Variants in SIGLEC11 observed in about 807,000 individuals in gnomAD.
The protein encoded by SIGLEC11 is sialic acid binding Ig like lectin 11.
SIGLEC11 carries 47 observed loss-of-function variants against 61.2 expected under a neutral mutation model. That is an observed-to-expected ratio of 0.77 (90% confidence interval 0.61 to 0.98). The LOEUF is 0.98. SIGLEC11 is among the 50% of genes least tolerant of loss of function. The probability of loss-of-function intolerance (pLI) is 0.00; values close to 1 mark genes in which losing one functional copy is unlikely to be tolerated. For missense variants in SIGLEC11, 610 were observed against 870.3 expected (o/e 0.70, Z 3.76); for synonymous variants, 278 against 373.1 (o/e 0.75, Z 2.94).
In SIGLEC11 at chr19:49,951,933, T is replaced by G. The variant is rs756161499; in HGVS notation, c.1788A>C (p.Ala596=). The G allele has an allele frequency of 6.2e-7, 1 of 1,611,354 alleles. No homozygotes were observed. Among genetic ancestry groups the G allele is most frequent in the South Asian group, 1.1e-5 (1 of 90,750 alleles). ...ICRKEARKRA[A]AEQDVPSTLG... ...GGGTGGAGGGCACGTCCTGCTCAGC[T>G]GCTGCCCTCTTGCGAGCTTCCTTCC... The change falls in exon 10 of 11, where the codon GCA becomes GCC. Residue 596 remains alanine, a synonymous_variant. Coordinates refer to ENST00000447370, the MANE Select transcript of SIGLEC11 (RefSeq NM_052884.3). The surrounding 1 kb of genome is among the most constrained non-coding windows in gnomAD (Gnocchi z 4.6).
chr19:49,949,927 A>T lies in SIGLEC11; in HGVS notation c.*43T>A, dbSNP rs773624335. The T allele has an allele frequency of 5.1e-6, 7 of 1,382,832 alleles. No homozygotes were observed. In the Admixed American group the frequency reaches 1.9e-4, roughly 38 times the overall value. The allele number at this position is 1,382,832 out of a possible 1,614,324, so 85.7% of individuals were successfully genotyped here. ...CAGTTCTGGCCGTCACACCAGTGCGACTCCCACACACTTGCTGGTGTCCTG... is the reference window on the plus strand; with the variant it reads ...CAGTTCTGGCCGTCACACCAGTGCGTCTCCCACACACTTGCTGGTGTCCTG... On this transcript the variant is annotated 3_prime_UTR_variant, in exon 11 of 11. Transcript: ENST00000447370.
rs1234191395 is a variant in SIGLEC11 at position 49,958,814 on chromosome 19, G to A, written c.1192C>T (p.Pro398Ser). The change falls in exon 7 of 11, where the codon CCA (proline) becomes TCA (serine). Residue 398 changes from proline to serine, a missense_variant. Physicochemically the swap from Pro to Ser is moderately conservative, Grantham distance 74. Around this residue, in one of 6 missense-constraint regions of SIGLEC11, gnomAD observed 432 missense variants for 441.5 expected, o/e 0.98. Coordinates refer to ENST00000447370, the MANE Select transcript of SIGLEC11 (RefSeq NM_052884.3). ...RLVCVTHSSP[P>S]ARLSWTRWGQ... Reference sequence around the variant, plus strand: ...CACCGGGTCCAGCTCAGCCTGGCTGGGGGGCTGCTGTGGGTGACACAGACC... The same window carrying A: ...CACCGGGTCCAGCTCAGCCTGGCTGAGGGGCTGCTGTGGGTGACACAGACC... 2 of 1,612,898 alleles carry A rather than the reference G, an allele frequency of 1.2e-6. No individual in the cohort carries two copies. Among genetic ancestry groups the A allele is most frequent in the Non-Finnish European group, 1.7e-6 (2 of 1,179,356 alleles).
chr19:49,951,896 A>T lies in SIGLEC11; in HGVS notation c.1825T>A (p.Ser609Thr), dbSNP rs763207391. ...QDVPSTLGPI[S>T]QGHQHECSAG... Reference sequence around the variant, plus strand: ...GACAGAGGCTGGGCTCTCACCTGGGAGATGGGTCCCAGGGTGGAGGGCACG... The same window carrying T: ...GACAGAGGCTGGGCTCTCACCTGGGTGATGGGTCCCAGGGTGGAGGGCACG... Residue 609 changes from serine (S) to threonine (T), a missense_variant, in exon 10 of 11, where the codon TCC becomes ACC. Ser to Thr is a moderately conservative substitution (Grantham distance 58, BLOSUM62 1). Around this residue, in one of 6 missense-constraint regions of SIGLEC11, gnomAD observed 432 missense variants for 441.5 expected, o/e 0.98. Transcript: ENST00000447370. This position sits in a 1 kb window ranked among gnomAD's most constrained non-coding sequence, Gnocchi z 4.6. The T allele has an allele frequency of 1.6e-5, 26 of 1,599,042 alleles. No individual in the cohort carries two copies. The highest frequency in any genetic ancestry group is 2.0e-5 in the Non-Finnish European group (23 of 1,173,314).
rs1271979910 is a variant in SIGLEC11, at chr19:49,960,719, C to G, written c.293G>C (p.Ser98Thr). ...AGTGAGCTGGAATCGGTCCCGGGTGCTCATTTCCACCTCTCGACTCTGGTT... is the reference window on the plus strand; with the variant it reads ...AGTGAGCTGGAATCGGTCCCGGGTGGTCATTTCCACCTCTCGACTCTGGTT... ...TNNQSREVEMSTRDRFQLTGD... is the reference protein window; with the variant it reads ...TNNQSREVEMTTRDRFQLTGD... Residue 98 changes from serine (S) to threonine (T), a missense_variant, in exon 2 of 11, where the codon AGC becomes ACC. Physicochemically the swap from Ser to Thr is moderately conservative, Grantham distance 58 (BLOSUM62 1). Around this residue, in one of 6 missense-constraint regions of SIGLEC11, gnomAD observed 99 missense variants for 131.6 expected, o/e 0.75. Transcript: ENST00000447370. 6.2e-7 allele frequency: 1 copy of G among 1,612,450 alleles called. No homozygotes were observed. Among genetic ancestry groups the G allele is most frequent in the Admixed American group, 1.7e-5 (1 of 59,906 alleles).
rs1238686928 is a variant in SIGLEC11, at chr19:49,951,027, G to A, written c.1831-791C>T. ...GGGCCTTGGAATATCCTGCTGGTAG[G>A]AGCATCCCTGTTGACCTGGGACCAC... On this transcript the variant is annotated intron_variant, in intron 10 of 10. Coordinates refer to ENST00000447370, the MANE Select transcript of SIGLEC11 (RefSeq NM_052884.3). The surrounding 1 kb of genome is among the most constrained non-coding windows in gnomAD (Gnocchi z 4.6). Among the ~76,000 whole-genome samples the A allele has an allele frequency of 1.3e-5, 2 of 152,170 alleles. No homozygotes were observed. The highest frequency in any genetic ancestry group is 4.8e-5 in the African/African-American group (2 of 41,432).
chr19:49,949,925 C>T lies in SIGLEC11; in HGVS notation c.*45G>A, dbSNP rs770138780. ...TCCAGTTCTGGCCGTCACACCAGTGCGACTCCCACACACTTGCTGGTGTCC... is the reference window on the plus strand; with the variant it reads ...TCCAGTTCTGGCCGTCACACCAGTGTGACTCCCACACACTTGCTGGTGTCC... On this transcript the variant is annotated 3_prime_UTR_variant, in exon 11 of 11. Transcript: ENST00000447370. 2.0e-5 allele frequency: 27 copies of T among 1,379,510 alleles called. 1 individual carries two copies. Among genetic ancestry groups the T allele is most frequent in the South Asian group, 7.5e-5 (4 of 53,022 alleles). The allele number at this position is 1,379,510 out of a possible 1,614,324, so 85.5% of individuals were successfully genotyped here. A position where few individuals can be genotyped will look rare whatever the true frequency, so the allele number is the denominator to read the frequency against.
rs1278975989 is a variant in SIGLEC11 at position 49,955,940 on chromosome 19, A to G, written c.1651+2343T>C. Among the ~76,000 whole-genome samples the G allele has an allele frequency of 6.6e-6, 1 of 151,860 alleles. No homozygotes were observed. Among genetic ancestry groups the G allele is most frequent in the South Asian group, 2.1e-4 (1 of 4,816 alleles). Reference sequence around the variant, plus strand: ...ACAGAGCGAGACTCCGTCTCAAAAAAAAAAAAAAAAAGAACTTGTACTTAT... The same window carrying G: ...ACAGAGCGAGACTCCGTCTCAAAAAGAAAAAAAAAAAGAACTTGTACTTAT... On this transcript the variant is annotated intron_variant, in intron 8 of 10. Coordinates refer to ENST00000447370, the MANE Select transcript of SIGLEC11 (RefSeq NM_052884.3). The surrounding 1 kb of genome is among the most constrained non-coding windows in gnomAD (Gnocchi z 4.5).
intron 8 of SIGLEC11, 133 bp from the exon 9 acceptor site, chr19:49,952,527 A>G: frequency 1.6e-6 from 1 of 618,082 alleles, no homozygotes; most frequent in African/African-American, 1.8e-5. Flanking sequence ...ATATGCATTC[A>G]TTCACTCCAA....
At chr19:49,952,493 A>G (rs2076165482) in intron 8 of SIGLEC11, 99 bp from the exon 9 acceptor site, 3 of 762,868 alleles carry the variant, frequency 3.9e-6, no homozygotes, top group Non-Finnish European at 6.3e-6. Context: ...TTCATCCCCA[A>G]CTGAGGCAGA....
intron 8 of SIGLEC11, among the ~76,000 whole-genome samples, chr19:49,957,990 CA>C (rs904802955): frequency 1.4e-4 from 20 of 145,622 alleles, no homozygotes; most frequent in Middle Eastern, 3.5e-3. Context: ...GACTCCATCT[CA>C]AAAAAAAAAC....
At position 49,955,314 on chromosome 19, in the gene SIGLEC11, C is replaced by CAAAAAAAA. The variant is rs71180665; in HGVS notation, c.1652-2928_1652-2921dup. On this transcript the variant is annotated intron_variant, in intron 8 of 10. Transcript: ENST00000447370. The surrounding 1 kb of genome is among the most constrained non-coding windows in gnomAD (Gnocchi z 4.5). ...CGGGGACTGGCCCCAGAAAAAAAGC[C>CAAAAAAAA]AAAAAAAAAAAAAAAAAGAAAGGCA... Among the ~76,000 whole-genome samples the CAAAAAAAA allele has an allele frequency of 2.0e-5, 2 of 102,530 alleles. No homozygotes were observed. The allele number at this position is 102,530 out of a possible 152,430, so 67.3% of individuals were successfully genotyped here.
At chr19:49,953,828 A>G (rs1421277463) in intron 8 of SIGLEC11, among the ~76,000 whole-genome samples, 1 of 152,186 alleles carries the variant, frequency 6.6e-6, no homozygotes, top group Admixed American at 6.5e-5. Context: ...GAATAGAAGG[A>G]AAGTCCATCA....
rs1230507436 is a variant in SIGLEC11, at chr19:49,958,872, G to A, written c.1134C>T (p.Ser378=). The stretch of plus-strand genomic sequence containing the variant: ...GGCTTTGGCCCTCCAGGACCGGGAG[G>A]GATGTGCCGTTCCCGAGGTTTTCCA... ...TVLENLGNGT[S]LPVLEGQSLR... The change falls in exon 7 of 11, where the codon TCC becomes TCT. Residue 378 remains serine, a synonymous_variant. Coordinates refer to ENST00000447370, the MANE Select transcript of SIGLEC11 (RefSeq NM_052884.3). The A allele has an allele frequency of 9.4e-6, 15 of 1,602,410 alleles. No homozygotes were observed. The highest frequency in any genetic ancestry group is 4.5e-5 in the South Asian group (4 of 89,644).
intron 8 of SIGLEC11, 92 bp downstream of exon 8, chr19:49,958,191 G>T: frequency 6.4e-7 from 1 of 1,557,482 alleles, no homozygotes; most frequent in Non-Finnish European, 8.7e-7. Context: ...TTCCCACCAC[G>T]CCCACACCCT....
chr19:49,951,443 G>A lies in SIGLEC11; in HGVS notation c.1830+448C>T, dbSNP rs988941355. On this transcript the variant is annotated intron_variant, in intron 10 of 10. Transcript: ENST00000447370. This position sits in a 1 kb window ranked among gnomAD's most constrained non-coding sequence, Gnocchi z 4.6. ...CTCAGTGAGTCCTGCGAGTCCTAGGGGGTTATCCAACCTCAGAGTGGTCGT... is the reference window on the plus strand; with the variant it reads ...CTCAGTGAGTCCTGCGAGTCCTAGGAGGTTATCCAACCTCAGAGTGGTCGT... Among the ~76,000 whole-genome samples, 3 of 152,186 alleles carry A rather than the reference G, an allele frequency of 2.0e-5. No individual in the cohort carries two copies. Among genetic ancestry groups the A allele is most frequent in the Non-Finnish European group, 4.4e-5 (3 of 68,020 alleles).
At chr19:49,953,979 A>G (rs2076177775) in intron 8 of SIGLEC11, among the ~76,000 whole-genome samples, 1 of 152,188 alleles carries the variant, frequency 6.6e-6, no homozygotes, top group Non-Finnish European at 1.5e-5. Context: ...GGCTGACCGA[A>G]GAAACTGTAG....
rs939577342 is a variant in SIGLEC11 at position 49,955,800 on chromosome 19, T to G, written c.1651+2483A>C. Among the ~76,000 whole-genome samples the G allele has an allele frequency of 1.2e-4, 19 of 152,032 alleles. No individual in the cohort carries two copies. The highest frequency in any genetic ancestry group is 4.1e-4 in the African/African-American group (17 of 41,378). On this transcript the variant is annotated intron_variant, in intron 8 of 10. Coordinates refer to ENST00000447370, the MANE Select transcript of SIGLEC11 (RefSeq NM_052884.3). The surrounding 1 kb of genome is among the most constrained non-coding windows in gnomAD (Gnocchi z 4.5). ...ATACAAAAAAATTAGCCGGGCTTGG[T>G]GGCGGGCGCCTGTAGTCCCAGCTAC...
rs375036482 is a variant in SIGLEC11 at position 49,955,666 on chromosome 19, G to A, written c.1651+2617C>T. Among the ~76,000 whole-genome samples the A allele has an allele frequency of 2.6e-5, 4 of 152,308 alleles. No individual in the cohort carries two copies. The highest frequency in any genetic ancestry group is 7.2e-5 in the African/African-American group (3 of 41,582). On this transcript the variant is annotated intron_variant, in intron 8 of 10. Transcript: ENST00000447370. This position sits in a 1 kb window ranked among gnomAD's most constrained non-coding sequence, Gnocchi z 4.5. The stretch of plus-strand genomic sequence containing the variant: ...GAAAAATTAGCAGGCCGGGCATGGC[G>A]GCTCACACCTGTAATCCCAGCACTT...
intron 8 of SIGLEC11, among the ~76,000 whole-genome samples, chr19:49,957,696 G>A (rs1283089106): frequency 3.3e-5 from 5 of 152,160 alleles, no homozygotes; most frequent in Non-Finnish European, 7.3e-5. Flanking sequence ...ACTTTTGTAA[G>A]TCCGCTTATA....
Sources: allele counts gnomAD v4.1 joint callset (sites outside exome capture counted in the v4.1 genomes callset), GRCh38; gene constraint gnomAD v4.1.1; regional missense constraint gnomAD v4.1.1; non-coding constraint Gnocchi (gnomAD v3.1); transcripts MANE v1.5; gene names NCBI Gene and HGNC (gene_info 2026-07-23, HGNC 2026-07-21).